GLYAT: variants seen among roughly 807,000 people sequenced by gnomAD.
GLYAT encodes the protein glycine N-acyltransferase.
A neutral mutation model predicts 22.8 loss-of-function variants in GLYAT; 25 were observed. The ratio of observed to expected loss-of-function variants is 1.09; its 90% CI spans 0.80 to 1.53. GLYAT has a LOEUF of 1.53. GLYAT is among the 40% of genes most tolerant of loss of function. The probability of loss-of-function intolerance (pLI) is 0.00; values close to 1 mark genes in which losing one functional copy is unlikely to be tolerated. For synonymous variants in GLYAT, 140 were observed against 122.7 expected (o/e 1.14, Z -0.93); for missense variants, 411 against 353.9 (o/e 1.16, Z -1.29).
At chr11:58,730,241 A>C (rs1856858403) in intron 1 of GLYAT, among the ~76,000 whole-genome samples, 1 of 152,144 alleles carries the variant, frequency 6.6e-6, no homozygotes, top group South Asian at 2.1e-4. Flanking sequence ...TTCAGAGGCC[A>C]AGGAGGGAGG....
chr11:58,715,481 CT>C, intron 2 of GLYAT, 58 bp from the exon 3 acceptor site: 1 of 786,938 alleles, frequency 1.3e-6, no homozygotes. Context: ...AGTAAAGTTT[CT>C]TGCTTGATTA....
At chr11:58,722,073 G>A (rs1221036847) in intron 2 of GLYAT, among the ~76,000 whole-genome samples, 1 of 151,972 alleles carries the variant, frequency 6.6e-6, no homozygotes, top group Non-Finnish European at 1.5e-5. Flanking sequence ...CATCTAATTA[G>A]GAATAAATAA....
chr11:58,727,849 A>G (rs980522830), intron 1 of GLYAT, among the ~76,000 whole-genome samples: 1 of 152,092 alleles, frequency 6.6e-6, no homozygotes, highest in Non-Finnish European at 1.5e-5. Flanking sequence ...CTCACCTCTC[A>G]AGTTCTAGCA....
intron 3 of GLYAT, among the ~76,000 whole-genome samples, chr11:58,713,216 C>T (rs971996907): frequency 6.6e-6 from 1 of 152,058 alleles, no homozygotes; most frequent in Non-Finnish European, 1.5e-5. Flanking sequence ...AACATTAGAA[C>T]TTATTTCCTT....
chr11:58,710,445 T>A, intron 5 of GLYAT, 145 bp downstream of exon 5: 1 of 767,166 alleles, frequency 1.3e-6, no homozygotes, highest in South Asian at 1.7e-5. Flanking sequence ...GAGAGAAACA[T>A]GTTCTGAGTT....
intron 2 of GLYAT, chr11:58,724,194 T>C (rs1856786000): frequency 2.2e-6 from 1 of 449,126 alleles, no homozygotes; most frequent in African/African-American, 2.0e-5. Flanking sequence ...CAACTCAGTA[T>C]TTGTGATATA....
chr11:58,722,415 G>GA (rs1856761312), intron 2 of GLYAT, among the ~76,000 whole-genome samples: 2 of 152,066 alleles, frequency 1.3e-5, no homozygotes, highest in African/African-American at 4.8e-5. Flanking sequence ...ATATTTTAGG[G>GA]AGATATGAGG....
intron 1 of GLYAT, among the ~76,000 whole-genome samples, chr11:58,724,914 T>G (rs1856796920): frequency 6.6e-6 from 1 of 152,082 alleles, no homozygotes; most frequent in South Asian, 2.1e-4. Flanking sequence ...ACTATATCAC[T>G]CAGAATTTTT....
At chr11:58,716,247 G>A (rs1359503266) in intron 2 of GLYAT, among the ~76,000 whole-genome samples, 1 of 152,078 alleles carries the variant, frequency 6.6e-6, no homozygotes, top group Non-Finnish European at 1.5e-5. Context: ...GTGGATGTCA[G>A]CATAGATCTC....
At chr11:58,720,327 A>G (rs1416113755) in intron 2 of GLYAT, among the ~76,000 whole-genome samples, 3 of 152,066 alleles carry the variant, frequency 2.0e-5, no homozygotes, top group Non-Finnish European at 4.4e-5. Context: ...CAATTTGCCT[A>G]CAAATATTTA....
chr11:58,716,151 A>G (rs1856677284), intron 2 of GLYAT, among the ~76,000 whole-genome samples: 1 of 152,072 alleles, frequency 6.6e-6, no homozygotes. Flanking sequence ...AGAGGGGTGA[A>G]AGAGAGGGTA....
intron 1 of GLYAT, among the ~76,000 whole-genome samples, chr11:58,731,278 C>G (rs1335980431): frequency 6.6e-6 from 1 of 152,184 alleles, no homozygotes; most frequent in African/African-American, 2.4e-5. Flanking sequence ...TCTGGTGTCT[C>G]CACACACTCA....
chr11:58,712,976 A>C, intron 3 of GLYAT, 90 bp from the exon 4 acceptor site: 15 of 786,316 alleles, frequency 1.9e-5, no homozygotes, highest in Non-Finnish European at 2.7e-5. Context: ...AAGTAATAAA[A>C]TATTGGTAGT....
intron 2 of GLYAT, among the ~76,000 whole-genome samples, chr11:58,720,373 C>A (rs1029923082): frequency 2.0e-5 from 3 of 152,004 alleles, no homozygotes; most frequent in African/African-American, 7.2e-5. Context: ...TAATTGTTTA[C>A]CTGGATTATT....
intron 1 of GLYAT, among the ~76,000 whole-genome samples, chr11:58,730,706 G>T (rs1336011268): frequency 1.3e-5 from 2 of 152,132 alleles, no homozygotes; most frequent in African/African-American, 4.8e-5. Context: ...GCAAGTTAAA[G>T]GTTACAATGA....
chr11:58,725,858 G>A (rs934380598), intron 1 of GLYAT, among the ~76,000 whole-genome samples: 1 of 152,166 alleles, frequency 6.6e-6, no homozygotes, highest in African/African-American at 2.4e-5. Context: ...ATGTTCAGCA[G>A]CCTGCTAGCA....
chr11:58,720,862 T>C lies in GLYAT; in HGVS notation c.81+3554A>G, dbSNP rs918296024. Reference sequence around the variant, plus strand: ...GATTAATAAATGCAAACAAAATGTATGCTGGTAATTCTTAAGACATTTCTA... The same window carrying C: ...GATTAATAAATGCAAACAAAATGTACGCTGGTAATTCTTAAGACATTTCTA... On this transcript the variant is annotated intron_variant, in intron 2 of 5. Transcript: ENST00000344743. Among the ~76,000 whole-genome samples, 3 of 152,036 alleles carry C rather than the reference T, an allele frequency of 2.0e-5. No individual in the cohort carries two copies. In the East Asian group the frequency reaches 5.8e-4, roughly 29 times the overall value.
In GLYAT at chr11:58,709,671, G is replaced by T; in HGVS notation, c.*95C>A. 1.5e-6 allele frequency: 2 copies of T among 1,341,066 alleles called. No homozygotes were observed. The highest frequency in any genetic ancestry group is 2.1e-6 in the Non-Finnish European group (2 of 972,094). 83.1% of individuals were successfully genotyped at this position (1,341,066 alleles called of 1,614,324 possible). On this transcript the variant is annotated 3_prime_UTR_variant, in exon 6 of 6. Transcript: ENST00000344743. ...TCCAAACAGTGCCCACTCCTTTACT[G>T]CTGATTACAATTTATTATTTCTTTT...
chr11:58,726,506 A>G (rs1856813313), intron 1 of GLYAT, among the ~76,000 whole-genome samples: 1 of 152,018 alleles, frequency 6.6e-6, no homozygotes, highest in African/African-American at 2.4e-5. Flanking sequence ...TATTGAGAAG[A>G]CAATATACCT....
Sources: gnomAD v4.1 joint callset for allele counts (sites outside exome capture counted in the v4.1 genomes callset) on GRCh38, gnomAD v4.1.1 for gene constraint, MANE v1.5 for transcripts, NCBI Gene and HGNC (gene_info 2026-07-23, HGNC 2026-07-21) for gene names.